Variants in RGS6 observed in about 807,000 individuals in gnomAD.
The protein encoded by RGS6 is regulator of G protein signaling 6.
Under a neutral mutation model 78.5 loss-of-function variants are expected in RGS6, and 30 were observed. That is an observed-to-expected ratio of 0.38 (90% CI 0.29 to 0.52). The LOEUF (loss-of-function observed/expected upper bound fraction) is 0.52. Among genes scored for constraint, RGS6 ranks in the 20% least tolerant of loss-of-function variants. The pLI, the probability that RGS6 is intolerant of heterozygous loss-of-function variation, is 0.85. For synonymous variants in RGS6, 206 were observed against 206.0 expected (o/e 1.00, Z 0.00); for missense variants, 495 against 609.7 (o/e 0.81, Z 1.98).
chr14:72,303,792 T>C (rs2066629418), intron 2 of RGS6, among the ~76,000 whole-genome samples: 1 of 152,194 alleles, frequency 6.6e-6, no homozygotes, highest in Non-Finnish European at 1.5e-5. Flanking sequence ...ATCCATATGC[T>C]ACTTTCATCT....
intron 2 of RGS6, among the ~76,000 whole-genome samples, chr14:72,280,064 C>T (rs1313511716): frequency 6.6e-6 from 1 of 152,078 alleles, no homozygotes; most frequent in Non-Finnish European, 1.5e-5. Context: ...TCCTGCTTAT[C>T]ATTATTGGAG....
intron 2 of RGS6, among the ~76,000 whole-genome samples, chr14:72,132,786 T>G (rs1598141056): frequency 6.6e-6 from 1 of 151,914 alleles, no homozygotes; most frequent in Non-Finnish European, 1.5e-5. Flanking sequence ...TTGTCGTTTT[T>G]TTTTTTTTTT....
chr14:72,040,308 C>T (rs868517998), intron 2 of RGS6, among the ~76,000 whole-genome samples: 1 of 151,988 alleles, frequency 6.6e-6, no homozygotes, highest in Non-Finnish European at 1.5e-5. Flanking sequence ...TCCTGTAAGG[C>T]AGGTCTAGTG....
intron 2 of RGS6, among the ~76,000 whole-genome samples, chr14:72,021,940 C>T (rs1007019679): frequency 6.7e-6 from 1 of 148,502 alleles, no homozygotes; most frequent in Non-Finnish European, 1.5e-5. Flanking sequence ...CACCCCCACC[C>T]TCAAGTAGAC....
At chr14:72,168,576 G>A (rs1598744306) in intron 2 of RGS6, among the ~76,000 whole-genome samples, 1 of 152,218 alleles carries the variant, frequency 6.6e-6, no homozygotes, top group East Asian at 1.9e-4. Flanking sequence ...ATTATGTGCT[G>A]ACACGGTAGT....
At chr14:71,876,872 TG>T in the RGS6 span, among the ~76,000 whole-genome samples, 1 of 152,154 alleles carries the variant, frequency 6.6e-6, no homozygotes, top group Non-Finnish European at 1.5e-5. Context: ...GCAGGCCTGG[TG>T]GTGACAAAAT....
At chr14:72,260,708 C>T (rs10134489) in intron 2 of RGS6, among the ~76,000 whole-genome samples, 85,374 of 152,050 alleles carry the variant, frequency 0.56, 24,409 homozygotes, top group African/African-American at 0.66. Flanking sequence ...TGGATGCCTG[C>T]GGAGCTCTCT....
rs1488837412 is a variant in RGS6, at chr14:71,949,580, T to G, written c.-20-15192T>G. 5.9e-5 allele frequency among the ~76,000 whole-genome samples: 9 copies of G among 152,288 alleles called. No individual in the cohort carries two copies. In the East Asian group the frequency reaches 1.3e-3, roughly 23 times the overall value. Reference sequence around the variant, plus strand: ...AATTTTTAATACAAATACTTTTGCCTGTCATATGTATTTAAAATATCTTTT... The same window carrying G: ...AATTTTTAATACAAATACTTTTGCCGGTCATATGTATTTAAAATATCTTTT... On this transcript the variant is annotated intron_variant, in intron 1 of 17. Transcript: ENST00000553525.
chr14:72,083,934 T>C (rs2094925575), intron 2 of RGS6, among the ~76,000 whole-genome samples: 1 of 152,146 alleles, frequency 6.6e-6, no homozygotes, highest in African/African-American at 2.4e-5. Flanking sequence ...AGAGGTTCAC[T>C]AGTACTTATA....
chr14:72,531,289 T>C (rs769799655), intron 15 of RGS6, among the ~76,000 whole-genome samples: 3 of 152,120 alleles, frequency 2.0e-5, no homozygotes, highest in Non-Finnish European at 4.4e-5. Flanking sequence ...AAAAATCAGC[T>C]GGGTGTGGTG....
the RGS6 span, among the ~76,000 whole-genome samples, chr14:72,614,359 T>C: frequency 2.0e-5 from 3 of 152,152 alleles, no homozygotes; most frequent in Non-Finnish European, 4.4e-5. Flanking sequence ...TCCAAAAGCA[T>C]ACTTTGGGGA....
intron 3 of RGS6, among the ~76,000 whole-genome samples, chr14:72,441,470 A>C (rs1217035559): frequency 6.6e-6 from 1 of 152,012 alleles, no homozygotes; most frequent in Non-Finnish European, 1.5e-5. Flanking sequence ...GAAATGCACC[A>C]CCAGGGCAGT....
rs547472491 is a variant in RGS6, at chr14:72,400,326, T to C, written c.184+48132T>C. Among the ~76,000 whole-genome samples the C allele has an allele frequency of 6.9e-4, 105 of 152,352 alleles. 1 individual carries two copies. Among genetic ancestry groups the C allele is most frequent in the African/African-American group, 2.4e-3 (99 of 41,588 alleles). On this transcript the variant is annotated intron_variant, in intron 3 of 17. Transcript: ENST00000553525. ...GAAAGCTATTGGAATTGTAATACTT[T>C]TATTAATTAATGGTTCACTTTTATA...
At chr14:72,576,568 T>C in the RGS6 span, among the ~76,000 whole-genome samples, 1 of 152,204 alleles carries the variant, frequency 6.6e-6, no homozygotes, top group Non-Finnish European at 1.5e-5. Context: ...GGAACAGAAT[T>C]ATTTGCAAAA....
chr14:72,445,274 C>T (rs1242308434), intron 3 of RGS6, among the ~76,000 whole-genome samples: 2 of 152,212 alleles, frequency 1.3e-5, no homozygotes, highest in Admixed American at 6.5e-5. Flanking sequence ...ACTACAACCT[C>T]CGCCTCCCAG....
rs985818978 is a variant in RGS6 at position 72,410,611 on chromosome 14, G to A, written c.185-43917G>A. Among the ~76,000 whole-genome samples the A allele has an allele frequency of 1.0e-3, 159 of 152,308 alleles. 2 individuals are homozygous for A. The highest frequency in any genetic ancestry group is 3.6e-3 in the African/African-American group (148 of 41,560). On this transcript the variant is annotated intron_variant, in intron 3 of 17. Coordinates refer to ENST00000553525, the MANE Select transcript of RGS6 (RefSeq NM_001204424.2). ...GTCAATTTTGGCTTTTGTTGCCATT[G>A]CTTTTGGTGTTTTAGACATGAAGTC...
chr14:72,532,230 T>G (rs2097191426), intron 15 of RGS6, among the ~76,000 whole-genome samples: 1 of 152,250 alleles, frequency 6.6e-6, no homozygotes, highest in South Asian at 2.1e-4. Flanking sequence ...TATGATTATA[T>G]GTTTATGGTG....
At chr14:72,207,795 A>G (rs2043056048) in intron 2 of RGS6, among the ~76,000 whole-genome samples, 1 of 152,202 alleles carries the variant, frequency 6.6e-6, no homozygotes, top group African/African-American at 2.4e-5. Flanking sequence ...CTGACAAAAC[A>G]GTTCATTGTG....
intron 2 of RGS6, among the ~76,000 whole-genome samples, chr14:72,228,258 G>A (rs2048622306): frequency 6.6e-6 from 1 of 152,048 alleles, no homozygotes. Flanking sequence ...GCGGGCGCCT[G>A]TAGTCCTAGC....
Sources: gnomAD v4.1 joint callset for allele counts (sites outside exome capture counted in the v4.1 genomes callset) on GRCh38, gnomAD v4.1.1 for gene constraint, MANE v1.5 for transcripts, NCBI Gene and HGNC (gene_info 2026-07-23, HGNC 2026-07-21) for gene names.